The following IPO11 variants were observed in gnomAD, a reference collection of about 807,000 sequenced individuals.
IPO11 encodes the protein importin 11.
A neutral mutation model predicts 143.2 loss-of-function variants in IPO11; 66 were observed. The ratio of observed to expected loss-of-function variants is 0.46; its 90% CI spans 0.38 to 0.57. IPO11 has a LOEUF of 0.57. Ranked by LOEUF, IPO11 falls within the 20% of genes least tolerant of loss-of-function variation. The pLI, the probability that IPO11 is intolerant of heterozygous loss-of-function variation, is 0.00. For synonymous variants in IPO11, 385 were observed against 377.8 expected (o/e 1.02, Z -0.22); for missense variants, 1,026 against 1,141.0 (o/e 0.90, Z 1.45).
At chr5:62,556,007 T>C (rs969699001) in intron 26 of IPO11, among the ~76,000 whole-genome samples, 2 of 152,188 alleles carry the variant, frequency 1.3e-5, no homozygotes, top group African/African-American at 4.8e-5. Flanking sequence ...GTCATTTGGG[T>C]CCATATCAAC....
At chr5:62,502,105 A>G (rs560847544) in intron 16 of IPO11, among the ~76,000 whole-genome samples, 1 of 152,312 alleles carries the variant, frequency 6.6e-6, no homozygotes, top group African/African-American at 2.4e-5. Context: ...ATTTGGAAGT[A>G]CTGTTGACCT....
chr5:62,431,978 G>A (rs538805772), intron 1 of IPO11, among the ~76,000 whole-genome samples: 18 of 139,878 alleles, frequency 1.3e-4, no homozygotes, highest in African/African-American at 5.3e-4. Context: ...CATACGGCAT[G>A]CAGACCTGTA....
At chr5:62,567,558 C>CT (rs34740276) in intron 27 of IPO11, among the ~76,000 whole-genome samples, 39,906 of 70,150 alleles carry the variant, frequency 0.57, 12,603 homozygotes, top group Non-Finnish European at 0.6. Context: ...CTTACATTTC[C>CT]TTTTTTTTTT....
intron 5 of IPO11, among the ~76,000 whole-genome samples, chr5:62,460,975 A>T (rs1303195406): frequency 5.9e-5 from 9 of 152,156 alleles, no homozygotes. Flanking sequence ...GGCAATGGTT[A>T]CTTCCTGTGG....
chr5:62,499,356 C>T (rs531995484), intron 16 of IPO11, among the ~76,000 whole-genome samples: 4 of 152,122 alleles, frequency 2.6e-5, no homozygotes, highest in Non-Finnish European at 5.9e-5. Flanking sequence ...AGATAAAAAA[C>T]GTTACACCTC....
chr5:62,472,551 A>G (rs1478115053), intron 7 of IPO11, among the ~76,000 whole-genome samples: 1 of 144,298 alleles, frequency 6.9e-6, no homozygotes, highest in Non-Finnish European at 1.5e-5. Flanking sequence ...TTTTTTTGAG[A>G]CAGTCTCACT....
chr5:62,421,879 T>C lies in IPO11; in HGVS notation c.-7+8950T>C, dbSNP rs1743526613. Among the ~76,000 whole-genome samples, 9 of 152,344 alleles carry C rather than the reference T, an allele frequency of 5.9e-5. 1 individual carries two copies. In the South Asian group the frequency reaches 1.9e-3, roughly 32 times the overall value. On this transcript the variant is annotated intron_variant, in intron 1 of 29. Coordinates refer to ENST00000325324, the MANE Select transcript of IPO11 (RefSeq NM_016338.5). ...CTCTTTATAGCAAGAATGAGATTCT[T>C]ATAAGATACAGCTTTATAGACAGTG...
intron 29 of IPO11, among the ~76,000 whole-genome samples, chr5:62,616,918 C>A (rs930660187): frequency 6.6e-6 from 1 of 152,046 alleles, no homozygotes; most frequent in South Asian, 2.1e-4. Flanking sequence ...TTGATGAAAT[C>A]AAATTTTTGA....
intron 19 of IPO11, among the ~76,000 whole-genome samples, chr5:62,507,320 A>G (rs1267566344): frequency 1.3e-5 from 2 of 152,180 alleles, no homozygotes; most frequent in Admixed American, 6.5e-5. Flanking sequence ...CTGGTGTCTA[A>G]AAGTAGTAAT....
At chr5:62,476,602 A>C in intron 8 of IPO11, 81 bp from the exon 9 acceptor site, 2 of 1,365,900 alleles carry the variant, frequency 1.5e-6, no homozygotes, top group South Asian at 2.8e-5. Context: ...TAAAACCAGC[A>C]ATATTATTTT....
chr5:62,571,946 A>G (rs1744144618), intron 27 of IPO11, among the ~76,000 whole-genome samples: 1 of 152,314 alleles, frequency 6.6e-6, no homozygotes, highest in East Asian at 1.9e-4. Context: ...TCGGCCTCCC[A>G]GAGTGCTGGG....
chr5:62,586,766 AAAATATATATAT>A (rs1414528688), intron 27 of IPO11, among the ~76,000 whole-genome samples: 42 of 76,198 alleles, frequency 5.5e-4, no homozygotes, highest in African/African-American at 2.1e-3. Flanking sequence ...AAAAAAAAAA[AAAATATATATAT>A]ATATATATAT....
At chr5:62,513,137 C>T (rs1248591803) in intron 19 of IPO11, among the ~76,000 whole-genome samples, 4,351 of 141,502 alleles carry the variant, frequency 0.031, no homozygotes, top group African/African-American at 0.11. Flanking sequence ...GGCAGAGGGG[C>T]TCCTCACTTC....
At chr5:62,576,101 C>A in intron 27 of IPO11, 1 of 154,078 alleles carries the variant, frequency 6.5e-6, no homozygotes, top group South Asian at 2.0e-4. Flanking sequence ...TGCCAGGAGT[C>A]ACTTGTTGTT....
chr5:62,557,375 G>A (rs933389725), intron 26 of IPO11, among the ~76,000 whole-genome samples: 72 of 152,210 alleles, frequency 4.7e-4, no homozygotes, highest in African/African-American at 1.6e-3. Flanking sequence ...TAGAGACAGC[G>A]TTTCTCCATG....
At chr5:62,455,076 A>T (rs1239375575) in intron 5 of IPO11, among the ~76,000 whole-genome samples, 2 of 152,156 alleles carry the variant, frequency 1.3e-5, no homozygotes, top group Non-Finnish European at 2.9e-5. Flanking sequence ...TAGTTAATTG[A>T]AGGTAGCATT....
chr5:62,454,605 GT>G (rs956138945), intron 5 of IPO11, among the ~76,000 whole-genome samples: 3 of 151,126 alleles, frequency 2.0e-5, no homozygotes, highest in Non-Finnish European at 4.4e-5. Context: ...CTTCTTGCTT[GT>G]TTTTTTTTGT....
At chr5:62,587,929 G>A (rs1744857984) in intron 27 of IPO11, among the ~76,000 whole-genome samples, 1 of 152,142 alleles carries the variant, frequency 6.6e-6, no homozygotes. Context: ...TGAGGTCTGG[G>A]AGGGATCAGA....
chr5:62,566,551 G>A (rs1743945937), intron 27 of IPO11, among the ~76,000 whole-genome samples: 1 of 151,788 alleles, frequency 6.6e-6, no homozygotes. Flanking sequence ...CGGGCAACAC[G>A]GCAAAACCCC....
Sources: allele counts gnomAD v4.1 joint callset (sites outside exome capture counted in the v4.1 genomes callset), GRCh38; gene constraint gnomAD v4.1.1; transcripts MANE v1.5; gene names NCBI Gene and HGNC (gene_info 2026-07-23, HGNC 2026-07-21).